The following APOB variants were observed in gnomAD, a reference collection of about 807,000 sequenced individuals.
APOB encodes apolipoprotein B-100.
Under a neutral mutation model 314.1 loss-of-function variants are expected in APOB, and 153 were observed. The ratio of observed to expected loss-of-function variants is 0.49; its 90% CI spans 0.43 to 0.56. The LOEUF is 0.56. Ranked by LOEUF, APOB falls within the 20% of genes least tolerant of loss-of-function variation. The probability of loss-of-function intolerance (pLI) is 0.00; values close to 1 mark genes in which losing one functional copy is unlikely to be tolerated. For synonymous variants in APOB, 2,087 were observed against 2,036.4 expected (o/e 1.02, Z -0.67); for missense variants, 5,430 against 5,350.7 (o/e 1.01, Z -0.46).
intron 15 of APOB, 124 bp downstream of exon 15, chr2:21,026,664 T>A: frequency 2.4e-6 from 2 of 845,710 alleles, no homozygotes; most frequent in South Asian, 1.4e-5. Context: ...GCAGGTCTGG[T>A]TGATAAAAAC....
chr2:21,025,532 G>A (rs1356916464), intron 15 of APOB, among the ~76,000 whole-genome samples: 1 of 152,018 alleles, frequency 6.6e-6, no homozygotes, highest in Non-Finnish European at 1.5e-5. Context: ...AAATTCACCA[G>A]AAGTTTGAAA....
At chr2:21,030,106 A>T (rs546848376) in intron 10 of APOB, 91 bp from the exon 11 acceptor site, 1 of 827,120 alleles carries the variant, frequency 1.2e-6, no homozygotes, top group African/African-American at 1.7e-5. Flanking sequence ...AATAATTATA[A>T]AATTCATATG....
chr2:21,037,359 C>G, intron 5 of APOB, 104 bp from the exon 6 acceptor site: 2 of 1,259,786 alleles, frequency 1.6e-6, no homozygotes, highest in Non-Finnish European at 2.3e-6. Flanking sequence ...CAGAAGGAAT[C>G]TAGCTTTGGG....
At chr2:21,003,481 T>C in intron 28 of APOB, 147 bp from the exon 29 acceptor site, 1 of 757,500 alleles carries the variant, frequency 1.3e-6, no homozygotes, top group Non-Finnish European at 2.2e-6. Context: ...TGTCAGTTCA[T>C]GTGTTTGTTT....
Position 21,041,877 on chromosome 2 carries a change from C to T in APOB, c.237+484G>A, listed in dbSNP as rs917667945. 3.3e-5 allele frequency among the ~76,000 whole-genome samples: 5 copies of T among 152,208 alleles called. No individual in the cohort carries two copies. The East Asian group carries it at 7.7e-4, about 23-fold the overall frequency. On this transcript the variant is annotated intron_variant, in intron 3 of 28. Coordinates refer to ENST00000233242, the MANE Select transcript of APOB (RefSeq NM_000384.3). Reference sequence around the variant, plus strand: ...GCTCCACATGTATGTAACATGAGTACAACCAGTCTCAATAATAAGCAAAGT... The same window carrying T: ...GCTCCACATGTATGTAACATGAGTATAACCAGTCTCAATAATAAGCAAAGT...
In APOB at chr2:21,025,069, G is replaced by T. The variant is rs147287202; in HGVS notation, c.2300C>A (p.Ser767Tyr). Residue 767 changes from serine (S) to tyrosine (Y), a missense_variant, in exon 16 of 29, where the codon TCC (serine) becomes TAC (tyrosine). Physicochemically the swap from Ser to Tyr is moderately radical, Grantham distance 144 (BLOSUM62 -2). Around this residue, in one of 3 missense-constraint regions of APOB, gnomAD observed 2,085 missense variants for 2,079.7 expected, o/e 1.00. Coordinates refer to ENST00000233242, the MANE Select transcript of APOB (RefSeq NM_000384.3). ...GGCTCTGGCTTCCGGGACTTCTTTGGATTTCAAATCTTTAATCAGCTTCTC... is the reference window on the plus strand; with the variant it reads ...GGCTCTGGCTTCCGGGACTTCTTTGTATTTCAAATCTTTAATCAGCTTCTC... ...SVEKLIKDLK[S>Y]KEVPEARAYL... is the part of the protein sequence containing the mutation. The T allele has an allele frequency of 5.0e-6, 8 of 1,614,122 alleles. No homozygotes were observed. Among genetic ancestry groups the T allele is most frequent in the Non-Finnish European group, 5.1e-6 (6 of 1,180,060 alleles).
intron 18 of APOB, among the ~76,000 whole-genome samples, chr2:21,021,272 C>T (rs1663600142): frequency 6.6e-6 from 1 of 152,204 alleles, no homozygotes; most frequent in Non-Finnish European, 1.5e-5. Context: ...CAGTTAATCA[C>T]CCAGTACTTA....
rs750098322 is a variant in APOB, at chr2:21,008,818, G to T, written c.8050C>A (p.Leu2684Met). The change falls in exon 26 of 29, where the codon CTG becomes ATG. Residue 2684 changes from leucine (L) to methionine (M), a missense_variant. By Grantham distance (15) the Leu-to-Met change is conservative. Coordinates refer to ENST00000233242, the MANE Select transcript of APOB (RefSeq NM_000384.3). ...RTIDQMLNSE[L>M]QWPVPDIYLR... ...TATATATCTGGAACGGGCCACTGCA[G>T]CTCACTGTTCAGCATCTGGTCAATG... The T allele has an allele frequency of 6.2e-7, 1 of 1,614,050 alleles. No individual in the cohort carries two copies. The highest frequency in any genetic ancestry group is 1.3e-5 in the African/African-American group (1 of 75,034).
Position 21,027,888 on chromosome 2 carries a change from T to C in APOB, c.2007A>G (p.Lys669=). The change falls in exon 14 of 29, where the codon AAA becomes AAG. Residue 669 remains lysine (K), a synonymous_variant. Coordinates refer to ENST00000233242, the MANE Select transcript of APOB (RefSeq NM_000384.3). The stretch of plus-strand genomic sequence containing the variant: ...TGAGGGTAGTTTTCAGCATGCTTTC[T>C]TTAGGAAGGTAGTTATTTGGATCAA... ...LIFDPNNYLP[K]ESMLKTTLTA... 4 of 1,614,212 alleles carry C rather than the reference T, an allele frequency of 2.5e-6. No individual in the cohort carries two copies. The South Asian group carries it at 3.3e-5, about 13-fold the overall frequency.
rs1664120791 is a variant in APOB, at chr2:21,041,051, G to A, written c.270C>T (p.Phe90=). The A allele has an allele frequency of 3.1e-6, 5 of 1,613,004 alleles. No individual in the cohort carries two copies. Among genetic ancestry groups the A allele is most frequent in the Non-Finnish European group, 4.2e-6 (5 of 1,179,860 alleles). ...GGGTGCACTGGCTGGTCTTCAGGAT[G>A]AAGCTGCAGAGCTGGGGAACCTCCA... ...VELEVPQLCS[F]ILKTSQCTLK... The change falls in exon 4 of 29, where the codon TTC becomes TTT. Residue 90 remains phenylalanine, a synonymous_variant. Transcript: ENST00000233242.
chr2:21,041,800 C>T (rs1664138673), intron 3 of APOB, among the ~76,000 whole-genome samples: 1 of 152,196 alleles, frequency 6.6e-6, no homozygotes, highest in Admixed American at 6.5e-5. Context: ...AAGGTGACTG[C>T]TCAGCTTGAC....
At chr2:21,027,729 G>T in intron 14 of APOB, 99 bp downstream of exon 14, 2 of 918,314 alleles carry the variant, frequency 2.2e-6, no homozygotes, top group Non-Finnish European at 3.6e-6. Context: ...GTGCCTGGTG[G>T]TTCTTAGTTT....
In APOB at chr2:21,008,602, C is replaced by A; in HGVS notation, c.8266G>T (p.Gly2756Cys). Residue 2756 changes from glycine to cysteine, a missense_variant, in exon 26 of 29, where the codon GGC becomes TGC. Around this residue, in one of 3 missense-constraint regions of APOB, gnomAD observed 3,281 missense variants for 3,171.0 expected, o/e 1.03. Coordinates refer to ENST00000233242, the MANE Select transcript of APOB (RefSeq NM_000384.3). ...ISHTIEVPTF[G>C]KLYSILKIQS... ...ATTTTCAGAATACTGTATAGCTTGC[C>A]AAAAGTAGGTACTTCAATTGTGTGT... 6.2e-7 allele frequency: 1 copy of A among 1,614,038 alleles called. No individual in the cohort carries two copies. Among genetic ancestry groups the A allele is most frequent in the Non-Finnish European group, 8.5e-7 (1 of 1,179,962 alleles).
At chr2:21,034,735 A>G (rs1663957955) in intron 8 of APOB, 81 bp downstream of exon 8, 2 of 835,226 alleles carry the variant, frequency 2.4e-6, no homozygotes, top group Non-Finnish European at 4.3e-6. Flanking sequence ...CAGACATTTA[A>G]CAGGGCTCAG....
In APOB at chr2:21,028,531, T is replaced by C; in HGVS notation, c.1625A>G (p.Glu542Gly). 6.2e-7 allele frequency: 1 copy of C among 1,609,968 alleles called. No individual in the cohort carries two copies. The highest frequency in any genetic ancestry group is 8.5e-7 in the Non-Finnish European group (1 of 1,178,204). ...RKMEPKDKDQ[E>G]VLLQTFLDDA... ...ATCAAGGAAAGTCTGAAGAAGAACCTCCTGGTCCTGCAGTCAAAAGAGGAG... is the reference window on the plus strand; with the variant it reads ...ATCAAGGAAAGTCTGAAGAAGAACCCCCTGGTCCTGCAGTCAAAAGAGGAG... The change falls in exon 13 of 29, where the codon GAG becomes GGG. Residue 542 changes from glutamate (E) to glycine (G), a missense_variant. Transcript: ENST00000233242.
Position 21,013,355 on chromosome 2 carries a change from T to C in APOB, c.4021A>G (p.Thr1341Ala). The C allele has an allele frequency of 6.2e-7, 1 of 1,614,214 alleles. No individual in the cohort carries two copies. Among genetic ancestry groups the C allele is most frequent in the Non-Finnish European group, 8.5e-7 (1 of 1,180,032 alleles). ...PSREFQVPTF[T>A]IPKLYQLQVP... ...TGCAGTTGATACAACTTGGGAATGG[T>C]AAAAGTAGGGACTTGGAACTCTCGA... is the stretch of plus-strand genomic sequence containing the variant. Residue 1341 changes from threonine (T) to alanine (A), a missense_variant, in exon 25 of 29, where the codon ACC becomes GCC. Thr to Ala is a moderately conservative substitution (Grantham distance 58, BLOSUM62 0). Transcript: ENST00000233242.
rs1663430303 is a variant in APOB at position 21,015,090 on chromosome 2, C to A, written c.3679G>T (p.Gly1227Cys). The part of the protein sequence containing the change: ...PQTDMTFRHV[G>C]SKLIVAMSSW... ...ATACTTACAACTATTAATTTGGAAC[C>A]CACGTGCCGGAAAGTCATGTCTGTT... Residue 1227 changes from glycine (G) to cysteine (C), a missense_variant, in exon 23 of 29, where the codon GGT (glycine) becomes TGT (cysteine). Transcript: ENST00000233242. 3.1e-6 allele frequency: 5 copies of A among 1,613,936 alleles called. No individual in the cohort carries two copies. Among genetic ancestry groups the A allele is most frequent in the Non-Finnish European group, 4.2e-6 (5 of 1,180,008 alleles).
rs749905188 is a variant in APOB at position 21,005,217 on chromosome 2, G to A, written c.11651C>T (p.Thr3884Ile). 3.1e-6 allele frequency: 5 copies of A among 1,614,066 alleles called. No homozygotes were observed. The highest frequency in any genetic ancestry group is 4.2e-6 in the Non-Finnish European group (5 of 1,179,956). Reference sequence around the variant, plus strand: ...GGGAGAGTCTACCTCAAAGCGTGCAGTCAGTGCTTGAAAGGAAGGAATGAC... The same window carrying A: ...GGGAGAGTCTACCTCAAAGCGTGCAATCAGTGCTTGAAAGGAAGGAATGAC... The part of the protein sequence containing the change: ...GIVIPSFQAL[T>I]ARFEVDSPVY... The change falls in exon 26 of 29, where the codon ACT becomes ATT. Residue 3884 changes from threonine (T) to isoleucine (I), a missense_variant. Coordinates refer to ENST00000233242, the MANE Select transcript of APOB (RefSeq NM_000384.3).
chr2:21,027,288 C>T (rs972232900), intron 14 of APOB, among the ~76,000 whole-genome samples: 3 of 149,390 alleles, frequency 2.0e-5, no homozygotes, highest in South Asian at 2.1e-4. Flanking sequence ...GACTTAAAGA[C>T]GAGACATTTG....
Sources: gnomAD v4.1 joint callset for allele counts (sites outside exome capture counted in the v4.1 genomes callset) on GRCh38, gnomAD v4.1.1 for gene constraint, gnomAD v4.1.1 regional missense constraint, MANE v1.5 for transcripts, NCBI Gene and HGNC (gene_info 2026-07-23, HGNC 2026-07-21) for gene names.